Variants in RGS5 observed in about 807,000 individuals in gnomAD.
RGS5 encodes the protein regulator of G-protein signalling 5.
A neutral mutation model predicts 18.9 loss-of-function variants in RGS5; 20 were observed. The observed-to-expected ratio is 1.06, with a 90% CI of 0.74 to 1.54. The LOEUF (loss-of-function observed/expected upper bound fraction) is 1.54. RGS5 is among the 40% of genes most tolerant of loss of function. RGS5 has a pLI of 0.00. For synonymous variants in RGS5, 57 were observed against 76.2 expected (o/e 0.75, Z 1.31); for missense variants, 201 against 211.8 (o/e 0.95, Z 0.32).
At chr1:163,223,436 C>T (rs1299471667) in intron 2 of RGS5, among the ~76,000 whole-genome samples, 2 of 152,150 alleles carry the variant, frequency 1.3e-5, no homozygotes, top group Non-Finnish European at 2.9e-5. Context: ...TTTCTTAATG[C>T]CTTGGGGAAG....
At chr1:163,216,689 T>C (rs900068093) in intron 1 of RGS5, among the ~76,000 whole-genome samples, 3 of 152,202 alleles carry the variant, frequency 2.0e-5, no homozygotes, top group Non-Finnish European at 2.9e-5. Flanking sequence ...ACTGACGATA[T>C]TATCATGTAA....
intron 1 of RGS5, chr1:163,172,514 C>T (rs1658349178): frequency 1.9e-6 from 3 of 1,539,290 alleles, no homozygotes; most frequent in Non-Finnish European, 2.6e-6. Context: ...ATAACATTGC[C>T]AAGAGAAAAT....
intron 2 of RGS5, among the ~76,000 whole-genome samples, chr1:163,224,444 T>C (rs908555788): frequency 3.9e-5 from 6 of 152,236 alleles, no homozygotes; most frequent in African/African-American, 1.2e-4. Context: ...TTTGTATCCA[T>C]TCATCTGTTG....
intron 1 of RGS5, among the ~76,000 whole-genome samples, chr1:163,320,448 CACCTAGG>C (rs1174544458): frequency 6.6e-6 from 1 of 152,252 alleles, no homozygotes. Context: ...CGCCTAAGTC[CACCTAGG>C]TAGTAAATGG....
intron 2 of RGS5, among the ~76,000 whole-genome samples, chr1:163,299,364 A>G (rs566936595): frequency 6.6e-6 from 1 of 152,302 alleles, no homozygotes; most frequent in South Asian, 2.1e-4. Context: ...TGAGGGCTTC[A>G]GCCATACCAC....
At position 163,256,661 on chromosome 1, in the gene RGS5, T is replaced by A. The variant is rs116005564; in HGVS notation, c.-281+49572A>T. Among the ~76,000 whole-genome samples the A allele has an allele frequency of 2.2e-3, 333 of 152,306 alleles. 2 individuals are homozygous for A. The highest frequency in any genetic ancestry group is 7.9e-3 in the African/African-American group (327 of 41,568). The stretch of plus-strand genomic sequence containing the variant: ...ATCAGTTTAAAAGATGCTTTTCTCC[T>A]AACCTGTCATCCTAAGACTAGGGAA... On this transcript the variant is annotated intron_variant, in intron 2 of 5. Transcript: ENST00000618415.
chr1:163,199,633 C>T (rs893681045), intron 1 of RGS5, among the ~76,000 whole-genome samples: 1 of 151,946 alleles, frequency 6.6e-6, no homozygotes, highest in Non-Finnish European at 1.5e-5. Context: ...AAAACAATTC[C>T]CCTTACAGGA....
chr1:163,207,771 T>C (rs925401897), upstream of RGS5, among the ~76,000 whole-genome samples: 3 of 152,056 alleles, frequency 2.0e-5, no homozygotes, highest in Non-Finnish European at 2.9e-5. Context: ...AGTTAAAGGA[T>C]ACCAATAAAA....
intron 1 of RGS5, among the ~76,000 whole-genome samples, chr1:163,175,834 T>C (rs1658529069): frequency 6.6e-6 from 1 of 152,164 alleles, no homozygotes; most frequent in Non-Finnish European, 1.5e-5. Context: ...TAATATGAAA[T>C]ACTCCTCGGG....
intron 1 of RGS5, among the ~76,000 whole-genome samples, chr1:163,181,984 A>T (rs1340337542): frequency 6.6e-6 from 1 of 152,154 alleles, no homozygotes; most frequent in East Asian, 1.9e-4. Context: ...ATATGTTGCG[A>T]TGCTAAATAA....
At chr1:163,157,932 C>G (rs1657652936) in intron 3 of RGS5, among the ~76,000 whole-genome samples, 2 of 152,086 alleles carry the variant, frequency 1.3e-5, no homozygotes, top group South Asian at 2.1e-4. Flanking sequence ...CCTGCTGCAG[C>G]CTTCCAAAGT....
At chr1:163,281,694 G>T (rs1216569416) in intron 2 of RGS5, among the ~76,000 whole-genome samples, 1 of 152,070 alleles carries the variant, frequency 6.6e-6, no homozygotes, top group African/African-American at 2.4e-5. Context: ...GTAACCAAAA[G>T]ATCATGGCAT....
In RGS5 at chr1:163,147,029, A is replaced by T. The variant is rs575498362; in HGVS notation, c.*313T>A. The T allele has an allele frequency of 4.9e-5, 10 of 203,050 alleles. 1 individual carries two copies. The South Asian group carries it at 6.4e-4, about 13-fold the overall frequency. The allele number at this position is 203,050 out of a possible 1,614,324, so 12.6% of individuals were successfully genotyped here. A position where few individuals can be genotyped will look rare whatever the true frequency, so the allele number is the denominator to read the frequency against. On this transcript the variant is annotated 3_prime_UTR_variant, in exon 5 of 5. Coordinates refer to ENST00000313961, the MANE Select transcript of RGS5 (RefSeq NM_003617.4). ...TATTACTTAACCCACATTCATTGAT[A>T]TCATAGTCTTGTCTTATATTTCTTT...
intron 2 of RGS5, among the ~76,000 whole-genome samples, chr1:163,244,056 A>G (rs1200751430): frequency 1.3e-5 from 2 of 152,206 alleles, no homozygotes; most frequent in East Asian, 3.8e-4. Flanking sequence ...GTTCTCACCT[A>G]TTGTATGCAC....
At chr1:163,281,865 C>T (rs1649000577) in intron 2 of RGS5, among the ~76,000 whole-genome samples, 1 of 152,118 alleles carries the variant, frequency 6.6e-6, no homozygotes, top group South Asian at 2.1e-4. Flanking sequence ...TGGATATCCA[C>T]ACGCATAAGA....
chr1:163,220,034 T>C (rs1647200237), upstream of RGS5, among the ~76,000 whole-genome samples: 1 of 152,222 alleles, frequency 6.6e-6, no homozygotes, highest in Non-Finnish European at 1.5e-5. Context: ...ATCAGCAATC[T>C]ATAAAACTTT....
intron 1 of RGS5, among the ~76,000 whole-genome samples, chr1:163,306,714 C>T (rs1351650266): frequency 6.6e-6 from 1 of 152,024 alleles, no homozygotes; most frequent in Non-Finnish European, 1.5e-5. Flanking sequence ...TGACCAATGT[C>T]CTTATTAAAA....
chr1:163,268,184 T>TAC lies in RGS5; in HGVS notation c.-281+38047_-281+38048dup, dbSNP rs1258736609. Among the ~76,000 whole-genome samples, 4 of 152,170 alleles carry TAC rather than the reference T, an allele frequency of 2.6e-5. No homozygotes were observed. In the South Asian group the frequency reaches 8.3e-4, roughly 32 times the overall value. ...TTATTAGCCCATCTCCTTTTTAAAA[T>TAC]ACACAGTTGTTCCAGACACAAACAA... is the stretch of plus-strand genomic sequence containing the variant. On this transcript the variant is annotated intron_variant, in intron 2 of 5. Transcript: ENST00000618415.
At chr1:163,186,305 G>A (rs1254411852) in intron 1 of RGS5, among the ~76,000 whole-genome samples, 2 of 151,850 alleles carry the variant, frequency 1.3e-5, no homozygotes, top group Non-Finnish European at 2.9e-5. Context: ...TCCTTACCTC[G>A]TGATCTGCCC....
Sources: gnomAD v4.1 joint callset for allele counts (sites outside exome capture counted in the v4.1 genomes callset) on GRCh38, gnomAD v4.1.1 for gene constraint, MANE v1.5 for transcripts, NCBI Gene and HGNC (gene_info 2026-07-23, HGNC 2026-07-21) for gene names.